The following DMD variants were observed in gnomAD, a reference collection of about 807,000 sequenced individuals.
The protein encoded by DMD is mutant dystrophin.
In DMD, 63 loss-of-function variants were observed where a neutral mutation model predicts 330.1. The observed-to-expected ratio is 0.19, with a 90% CI of 0.16 to 0.24. The LOEUF (loss-of-function observed/expected upper bound fraction) is 0.24. Ranked by LOEUF, DMD falls within the 10% of genes least tolerant of loss-of-function variation. DMD has a pLI of 1.00. For synonymous variants in DMD, 1,223 were observed against 959.8 expected (o/e 1.27, Z -5.07); for missense variants, 3,344 against 2,684.1 (o/e 1.25, Z -5.43).
At chrX:32,736,838 G>C (rs1197489047) in intron 7 of DMD, among the ~76,000 whole-genome samples, 4 of 109,539 alleles carry the variant, frequency 3.7e-5, no homozygotes, top group Non-Finnish European at 7.6e-5. Flanking sequence ...AGTGGGTGCA[G>C]CGCACCAGCA....
intron 1 of DMD, among the ~76,000 whole-genome samples, chrX:33,273,457 C>T (rs1042284101): frequency 8.9e-6 from 1 of 111,752 alleles, no homozygotes; most frequent in African/African-American, 3.3e-5. Context: ...AACAGGTTTC[C>T]AGTAGATCAT....
At chrX:32,440,825 G>A (rs941556899) in intron 28 of DMD, among the ~76,000 whole-genome samples, 53 of 111,366 alleles carry the variant, frequency 4.8e-4, no homozygotes, top group African/African-American at 1.6e-3. Flanking sequence ...CTTTTAAACT[G>A]GAAATAATAT....
At chrX:31,193,399 C>T (rs2042577575) in intron 67 of DMD, among the ~76,000 whole-genome samples, 1 of 111,934 alleles carries the variant, frequency 8.9e-6, no homozygotes, top group South Asian at 3.7e-4. Context: ...ACACTCAGAA[C>T]CACCTTGGAT....
Position 32,408,641 on chromosome X carries a change from G to C in DMD, c.4233+3111C>G, listed in dbSNP as rs750558278. 3.3e-3 allele frequency among the ~76,000 whole-genome samples: 370 copies of C among 111,517 alleles called. 1 individual carries two copies. Among genetic ancestry groups the C allele is most frequent in the Admixed American group, 6.2e-3 (65 of 10,474 alleles). On this transcript the variant is annotated intron_variant, in intron 30 of 78. Transcript: ENST00000357033. ...CAGTATATGACAGAAAATCTGAGCAGGTATTTCAAAGAGGACTTAATATGG... is the reference window on the plus strand; with the variant it reads ...CAGTATATGACAGAAAATCTGAGCACGTATTTCAAAGAGGACTTAATATGG...
intron 59 of DMD, among the ~76,000 whole-genome samples, chrX:31,469,776 T>C (rs1405863863): frequency 1.8e-5 from 2 of 112,071 alleles, no homozygotes; most frequent in African/African-American, 6.5e-5. Context: ...TCCAACTTGG[T>C]TCCATTCTCC....
rs1349415270 is a variant in DMD, at chrX:31,774,305, C to T, written c.7310-113G>A. ...TAAGTCAAATTTAATTGAAGAGTAA[C>T]AATTTGAGCCAAACTCTTATTCATG... is the stretch of plus-strand genomic sequence containing the variant. On this transcript the variant is annotated intron_variant, in intron 50 of 78. Transcript: ENST00000357033. The T allele has an allele frequency of 4.3e-5, 22 of 515,863 alleles. No individual in the cohort carries two copies. In the Admixed American group the frequency reaches 7.1e-4, roughly 17 times the overall value. 42.5% of individuals were successfully genotyped at this position (515,863 alleles called of 1,213,427 possible).
chrX:32,354,435 G>A (rs1189224138), intron 37 of DMD, among the ~76,000 whole-genome samples: 2 of 111,191 alleles, frequency 1.8e-5, no homozygotes, highest in African/African-American at 6.5e-5. Flanking sequence ...CTACTGATAT[G>A]ATATGAAGAG....
upstream of DMD, among the ~76,000 whole-genome samples, chrX:33,216,528 G>A (rs981480433): frequency 4.5e-5 from 5 of 110,858 alleles, no homozygotes; most frequent in Admixed American, 4.8e-4. Context: ...TGGATCATCA[G>A]TACCCCAAAC....
chrX:32,173,358 C>T (rs987986983), intron 44 of DMD, among the ~76,000 whole-genome samples: 2 of 110,152 alleles, frequency 1.8e-5, no homozygotes, highest in Admixed American at 2.0e-4. Flanking sequence ...TCTGATGCTT[C>T]CTAAAAATTA....
intron 1 of DMD, among the ~76,000 whole-genome samples, chrX:33,254,300 A>G (rs2052819461): frequency 1.0e-5 from 1 of 100,459 alleles, no homozygotes; most frequent in Non-Finnish European, 1.9e-5. Flanking sequence ...GAGATTTTAA[A>G]TATTTGCTCT....
chrX:32,411,486 G>C (rs1367675621), intron 30 of DMD, among the ~76,000 whole-genome samples: 1 of 111,247 alleles, frequency 9.0e-6, no homozygotes, highest in African/African-American at 3.3e-5. Context: ...TTTTAGTATA[G>C]TTTGAAGTCA....
intron 1 of DMD, among the ~76,000 whole-genome samples, chrX:33,232,117 AAG>A (rs2052398219): frequency 8.9e-6 from 1 of 112,185 alleles, no homozygotes; most frequent in Admixed American, 9.5e-5. Flanking sequence ...TCAAAAGTAA[AAG>A]AGAAATGAAT....
At chrX:32,513,616 G>A (rs766767896) in intron 18 of DMD, among the ~76,000 whole-genome samples, 34 of 111,833 alleles carry the variant, frequency 3.0e-4, no homozygotes, top group African/African-American at 1.1e-3. Context: ...TTTGCAGGGT[G>A]AAAGGAAGGA....
intron 2 of DMD, among the ~76,000 whole-genome samples, chrX:32,880,189 T>TA (rs2149197644): frequency 9.1e-6 from 1 of 109,292 alleles, no homozygotes; most frequent in African/African-American, 3.3e-5. Context: ...TCAAACTACT[T>TA]ACTGGTTCCT....
At chrX:32,428,530 TGC>T (rs2098222573) in intron 29 of DMD, among the ~76,000 whole-genome samples, 1 of 112,184 alleles carries the variant, frequency 8.9e-6, no homozygotes, top group Non-Finnish European at 1.9e-5. Flanking sequence ...TCTCCCACCA[TGC>T]TGATATAGTT....
chrX:31,945,453 C>G (rs1297804963), intron 45 of DMD, among the ~76,000 whole-genome samples: 2 of 112,160 alleles, frequency 1.8e-5, no homozygotes, highest in Admixed American at 9.4e-5. Flanking sequence ...TCTCCTGCCT[C>G]AGCCTCCGAG....
intron 9 of DMD, among the ~76,000 whole-genome samples, chrX:32,681,327 G>A (rs1048223897): frequency 1.2e-4 from 13 of 111,425 alleles, no homozygotes; most frequent in African/African-American, 3.9e-4. Flanking sequence ...CTAGTAATAA[G>A]CCTTATATAT....
intron 44 of DMD, among the ~76,000 whole-genome samples, chrX:32,197,825 TA>T (rs1485170544): frequency 2.7e-5 from 3 of 111,673 alleles, no homozygotes; most frequent in Non-Finnish European, 5.6e-5. Flanking sequence ...CCTCACATAC[TA>T]TTTTTTTGCG....
chrX:32,519,702 T>C (rs1202152755), intron 17 of DMD, among the ~76,000 whole-genome samples: 1 of 112,052 alleles, frequency 8.9e-6, no homozygotes, highest in Admixed American at 9.5e-5. Context: ...AAACCAGTTA[T>C]ATCACAACCT....
Sources: gnomAD v4.1 joint callset for allele counts (sites outside exome capture counted in the v4.1 genomes callset) on GRCh38, gnomAD v4.1.1 for gene constraint, MANE v1.5 for transcripts, NCBI Gene and HGNC (gene_info 2026-07-23, HGNC 2026-07-21) for gene names.